SHANK2: variants seen among roughly 807,000 people sequenced by gnomAD.
SHANK2 encodes SH3 and multiple ankyrin repeat domains 2.
In SHANK2, 43 loss-of-function variants were observed where a neutral mutation model predicts 133.7. The observed-to-expected ratio is 0.32, with a 90% CI of 0.25 to 0.41. SHANK2 has a LOEUF of 0.41. Among genes scored for constraint, SHANK2 ranks in the 10% least tolerant of loss-of-function variants. The pLI, the probability that SHANK2 is intolerant of heterozygous loss-of-function variation, is 1.00. For synonymous variants in SHANK2, 1,017 were observed against 952.8 expected (o/e 1.07, Z -1.24); for missense variants, 1,994 against 2,235.8 (o/e 0.89, Z 2.18).
intron 17 of SHANK2, among the ~76,000 whole-genome samples, chr11:70,562,501 CT>C (rs2059918349): frequency 6.6e-6 from 1 of 152,166 alleles, no homozygotes; most frequent in Admixed American, 6.5e-5. Context: ...AGAACTGACC[CT>C]TTTACCATAA....
chr11:70,568,698 A>C (rs1305093883), intron 17 of SHANK2, among the ~76,000 whole-genome samples: 1 of 130,758 alleles, frequency 7.6e-6, no homozygotes, highest in East Asian at 2.6e-4. Context: ...CAGCAAAGCC[A>C]CGAGTAGCAG....
intron 6 of SHANK2, among the ~76,000 whole-genome samples, chr11:71,100,921 T>C (rs1555096543): frequency 2.0e-5 from 3 of 148,664 alleles, no homozygotes; most frequent in Non-Finnish European, 1.5e-5. Context: ...AAGGGAGGGA[T>C]GGACGGGTGG....
At chr11:70,787,230 T>A (rs1947682468) in intron 14 of SHANK2, among the ~76,000 whole-genome samples, 1 of 132,568 alleles carries the variant, frequency 7.5e-6, no homozygotes, top group Admixed American at 7.5e-5. Context: ...ACCACTAGGA[T>A]CACCACTATC....
At position 70,658,117 on chromosome 11, in the gene SHANK2, A is replaced by AC. The variant is rs1311920872; in HGVS notation, c.2061+1710dup. ...AGAACCAAGAGTGACCTATTTCAAC[A>AC]CCCCCCCCACCCTGCCTGTCACACG... On this transcript the variant is annotated intron_variant, in intron 17 of 25. Coordinates refer to ENST00000601538, the MANE Select transcript of SHANK2 (RefSeq NM_012309.5). 4.5e-4 allele frequency among the ~76,000 whole-genome samples: 63 copies of AC among 141,216 alleles called. No homozygotes were observed. The East Asian group carries it at 7.2e-3, about 16-fold the overall frequency. The allele number at this position is 141,216 out of a possible 152,430, so 92.6% of individuals were successfully genotyped here.
chr11:70,760,961 G>A (rs1946984733), intron 14 of SHANK2, among the ~76,000 whole-genome samples: 1 of 152,200 alleles, frequency 6.6e-6, no homozygotes, highest in Non-Finnish European at 1.5e-5. Flanking sequence ...CCTGGAGGAT[G>A]TGCTCAGGGA....
intron 16 of SHANK2, among the ~76,000 whole-genome samples, chr11:70,660,651 T>C (rs1591718219): frequency 6.7e-6 from 1 of 148,756 alleles, no homozygotes; most frequent in Non-Finnish European, 1.5e-5. Context: ...TGGCCAAGGG[T>C]GGGTGGGTGT....
chr11:71,215,802 C>T (rs1954399390), intron 2 of SHANK2, among the ~76,000 whole-genome samples: 1 of 152,232 alleles, frequency 6.6e-6, no homozygotes. Flanking sequence ...GGCACCCCCA[C>T]TCTGTAGTCA....
At chr11:70,781,417 T>C (rs1156957071) in intron 14 of SHANK2, among the ~76,000 whole-genome samples, 4 of 150,742 alleles carry the variant, frequency 2.7e-5, no homozygotes, top group African/African-American at 7.3e-5. Context: ...AACCCAGGCA[T>C]CTCTGAGAGC....
intron 10 of SHANK2, among the ~76,000 whole-genome samples, chr11:70,900,490 G>A (rs1950007780): frequency 6.6e-6 from 1 of 152,126 alleles, no homozygotes; most frequent in Non-Finnish European, 1.5e-5. Context: ...ACACACAAGT[G>A]CACACCCACA....
chr11:70,545,296 C>CCAGCTCCTGCCTGTCTG (rs1473069865), intron 17 of SHANK2, among the ~76,000 whole-genome samples: 3 of 152,250 alleles, frequency 2.0e-5, no homozygotes, highest in African/African-American at 7.2e-5. Context: ...TGACCAGCTC[C>CCAGCTCCTGCCTGTCTG]CAGCTCCTGC....
intron 13 of SHANK2, 147 bp downstream of exon 13, chr11:70,806,855 G>T (rs530771219): frequency 3.4e-6 from 2 of 590,770 alleles, no homozygotes; most frequent in Non-Finnish European, 6.0e-6. Context: ...GTCTGGGAAC[G>T]TCACTCTGTT....
At chr11:70,860,572 T>C (rs1274685230) in intron 11 of SHANK2, among the ~76,000 whole-genome samples, 1 of 152,248 alleles carries the variant, frequency 6.6e-6, no homozygotes, top group Non-Finnish European at 1.5e-5. Flanking sequence ...CTTGCTTTTC[T>C]ACCAGTTGGG....
chr11:70,714,982 T>C (rs1441887024), intron 14 of SHANK2, among the ~76,000 whole-genome samples: 1 of 151,524 alleles, frequency 6.6e-6, no homozygotes, highest in Non-Finnish European at 1.5e-5. Flanking sequence ...TTTTTTTTTT[T>C]ACTTTCTGTA....
intron 14 of SHANK2, among the ~76,000 whole-genome samples, chr11:70,758,223 T>C (rs1336596258): frequency 6.6e-6 from 1 of 152,240 alleles, no homozygotes; most frequent in Non-Finnish European, 1.5e-5. Context: ...CGGCAATGGC[T>C]ACCCGCTTTG....
chr11:70,677,377 T>A (rs1944921914), intron 15 of SHANK2, among the ~76,000 whole-genome samples: 1 of 151,780 alleles, frequency 6.6e-6, no homozygotes, highest in African/African-American at 2.4e-5. Context: ...TGGTGCCGAG[T>A]CTCCTCTATC....
intron 2 of SHANK2, among the ~76,000 whole-genome samples, chr11:71,155,739 G>A (rs1259873983): frequency 7.1e-5 from 9 of 126,996 alleles, no homozygotes; most frequent in Non-Finnish European, 9.4e-5. Context: ...GACTATGGCC[G>A]TGGCCACACA....
chr11:70,935,211 G>A (rs182821677), intron 10 of SHANK2, among the ~76,000 whole-genome samples: 1 of 152,266 alleles, frequency 6.6e-6, no homozygotes, highest in Admixed American at 6.5e-5. Flanking sequence ...CCTTTGTCCA[G>A]CGTGTCCGTG....
At chr11:70,816,065 G>A (rs1014209850) in intron 12 of SHANK2, among the ~76,000 whole-genome samples, 6 of 152,200 alleles carry the variant, frequency 3.9e-5, no homozygotes, top group Admixed American at 2.0e-4. Flanking sequence ...GGCAGCCAGC[G>A]GGGTCTTTCT....
intron 17 of SHANK2, among the ~76,000 whole-genome samples, chr11:70,625,809 T>TA (rs2060896735): frequency 4.3e-4 from 2 of 4,704 alleles, no homozygotes; most frequent in Non-Finnish European, 9.1e-4. Flanking sequence ...TGTGCAAAAA[T>TA]GAAAAAAAAA....
Sources: gnomAD v4.1 joint callset for allele counts (sites outside exome capture counted in the v4.1 genomes callset) on GRCh38, gnomAD v4.1.1 for gene constraint, MANE v1.5 for transcripts, NCBI Gene and HGNC (gene_info 2026-07-23, HGNC 2026-07-21) for gene names.